Variants in LIMCH1 observed in about 807,000 individuals in gnomAD.
LIMCH1 encodes the protein LIM and calponin homology domains 1.
LIMCH1 carries 113 observed loss-of-function variants against 176.5 expected under a neutral mutation model. The ratio of observed to expected loss-of-function variants is 0.64; its 90% CI spans 0.55 to 0.75. LIMCH1 has a LOEUF of 0.75. Ranked by LOEUF, LIMCH1 falls within the 30% of genes least tolerant of loss-of-function variation. The probability of loss-of-function intolerance (pLI) is 0.00; values close to 1 mark genes in which losing one functional copy is unlikely to be tolerated. For missense variants in LIMCH1, 1,674 were observed against 1,814.9 expected, an observed-to-expected ratio of 0.92 and a Z score of 1.41; for synonymous variants, 619 against 645.9, an observed-to-expected ratio of 0.96 and a Z score of 0.63.
At chr4:41,668,082 G>A (rs2094895527) in intron 21 of LIMCH1, among the ~76,000 whole-genome samples, 1 of 152,102 alleles carries the variant, frequency 6.6e-6, no homozygotes. Context: ...ACTTTCTCCA[G>A]TGTGTTTTGT....
intron 1 of LIMCH1, among the ~76,000 whole-genome samples, chr4:41,451,220 A>G (rs2063833377): frequency 2.6e-5 from 4 of 151,718 alleles, no homozygotes; most frequent in African/African-American, 7.3e-5. Flanking sequence ...GGTTCAAGCT[A>G]TTCTCCTGCC....
At chr4:41,676,551 A>C (rs2095225271) in intron 23 of LIMCH1, 89 bp downstream of exon 23, 3 of 928,294 alleles carry the variant, frequency 3.2e-6, no homozygotes, top group Non-Finnish European at 5.2e-6. Flanking sequence ...ACAGGAAATG[A>C]ATGGAATCAA....
intron 1 of LIMCH1, among the ~76,000 whole-genome samples, chr4:41,458,231 A>G (rs779644534): frequency 6.6e-6 from 1 of 152,184 alleles, no homozygotes; most frequent in African/African-American, 2.4e-5. Context: ...TAACAAGCCA[A>G]TCTCCTTCTT....
chr4:41,520,349 G>A (rs1049817290), intron 2 of LIMCH1, among the ~76,000 whole-genome samples: 10 of 151,900 alleles, frequency 6.6e-5, no homozygotes, highest in South Asian at 2.1e-4. Flanking sequence ...TGCCTGGAAC[G>A]CTTGTCCTCC....
At chr4:41,468,300 G>GCCTGCCCTGC (rs1268508927) in intron 1 of LIMCH1, among the ~76,000 whole-genome samples, 1 of 70,962 alleles carries the variant, frequency 1.4e-5, no homozygotes, top group African/African-American at 6.0e-5. Flanking sequence ...TCCCTGCCCT[G>GCCTGCCCTGC]CCTGCCCTGC....
chr4:41,502,583 T>A (rs1257347672), intron 2 of LIMCH1, among the ~76,000 whole-genome samples: 1 of 152,228 alleles, frequency 6.6e-6, no homozygotes, highest in African/African-American at 2.4e-5. Context: ...TGTTTGACTT[T>A]TTAATAATCA....
chr4:41,594,596 C>T (rs1015372213), intron 1 of LIMCH1, among the ~76,000 whole-genome samples: 1 of 152,194 alleles, frequency 6.6e-6, no homozygotes, highest in Admixed American at 6.5e-5. Flanking sequence ...GGCTGGGTGG[C>T]TCTTCCTTCT....
intron 2 of LIMCH1, among the ~76,000 whole-genome samples, chr4:41,509,681 T>A (rs2074612749): frequency 6.6e-6 from 1 of 152,188 alleles, no homozygotes; most frequent in African/African-American, 2.4e-5. Context: ...TAGGCAAGAA[T>A]TGAGTATCCC....
At chr4:41,663,133 T>TTGTGTGTGTGTGTGTG (rs2094687863) in intron 20 of LIMCH1, 149 bp downstream of exon 20, 2 of 571,490 alleles carry the variant, frequency 3.5e-6, no homozygotes, top group Non-Finnish European at 5.7e-6. Context: ...TTTTTCTTTT[T>TTGTGTGTGTGTGTGTG]CGTGTGTGTG....
At chr4:41,438,418 C>G (rs1477927994) in intron 1 of LIMCH1, among the ~76,000 whole-genome samples, 2 of 151,468 alleles carry the variant, frequency 1.3e-5, no homozygotes, top group Non-Finnish European at 2.9e-5. Flanking sequence ...GTTGCCCAGG[C>G]TGGACATAAT....
At chr4:41,498,251 A>G (rs2154177556) in intron 2 of LIMCH1, among the ~76,000 whole-genome samples, 1 of 152,276 alleles carries the variant, frequency 6.6e-6, no homozygotes, top group Admixed American at 6.5e-5. Context: ...CAGGAGAGAG[A>G]AAAGACGAGC....
intron 1 of LIMCH1, among the ~76,000 whole-genome samples, chr4:41,386,357 A>G (rs192259788): frequency 6.6e-6 from 1 of 152,196 alleles, no homozygotes; most frequent in Non-Finnish European, 1.5e-5. Flanking sequence ...AAGTTACTTA[A>G]CCTCTCCAAA....
intron 7 of LIMCH1, 32 bp downstream of exon 7, chr4:41,620,722 G>A: frequency 6.6e-7 from 1 of 1,506,944 alleles, no homozygotes; most frequent in Middle Eastern, 2.0e-4. Context: ...GGCCCGGCTG[G>A]CTTTCTGCAT....
intron 1 of LIMCH1, among the ~76,000 whole-genome samples, chr4:41,428,937 C>A (rs1449060297): frequency 6.6e-6 from 1 of 152,230 alleles, no homozygotes; most frequent in East Asian, 1.9e-4. Flanking sequence ...CCTTTCCCAT[C>A]TCAAGCATTT....
chr4:41,676,359 C>T, intron 22 of LIMCH1, 23 bp from the exon 23 acceptor site: 1 of 1,602,638 alleles, frequency 6.2e-7, no homozygotes, highest in East Asian at 2.2e-5. Context: ...CAATTCTGAT[C>T]ATGGTTTCAT....
intron 1 of LIMCH1, among the ~76,000 whole-genome samples, chr4:41,397,563 C>A (rs7692164): frequency 0.05 from 7,528 of 151,606 alleles, 610 homozygotes; most frequent in African/African-American, 0.17. Flanking sequence ...TTAAGTTGCC[C>A]TTGTTAACAT....
At chr4:41,404,713 AG>A (rs1259590250) in intron 1 of LIMCH1, among the ~76,000 whole-genome samples, 1 of 152,166 alleles carries the variant, frequency 6.6e-6, no homozygotes, top group African/African-American at 2.4e-5. Context: ...TGGGAGGCAA[AG>A]GTTGCGGTGA....
intron 3 of LIMCH1, among the ~76,000 whole-genome samples, chr4:41,527,802 G>A (rs575830108): frequency 1.0e-3 from 122 of 121,602 alleles, no homozygotes; most frequent in Admixed American, 3.3e-3. Context: ...CAGCCTGGGC[G>A]ACAGAGCGAG....
intron 19 of LIMCH1, 165 bp from the exon 20 acceptor site, chr4:41,662,656 C>T: frequency 1.5e-6 from 1 of 676,940 alleles, no homozygotes; most frequent in South Asian, 2.3e-5. Context: ...TTGGGAATTC[C>T]AGCATCTTAG....
Sources: gnomAD v4.1 joint callset for allele counts (sites outside exome capture counted in the v4.1 genomes callset) on GRCh38, gnomAD v4.1.1 for gene constraint, MANE v1.5 for transcripts, NCBI Gene and HGNC (gene_info 2026-07-23, HGNC 2026-07-21) for gene names.